SLC7A5: variants seen among roughly 807,000 people sequenced by gnomAD.
The protein encoded by SLC7A5 is solute carrier family 7 member 5.
SLC7A5 carries 23 observed loss-of-function variants against 50.2 expected under a neutral mutation model. That is an observed-to-expected ratio of 0.46 (90% CI 0.33 to 0.65). SLC7A5 has a LOEUF of 0.65. SLC7A5 is among the 30% of genes least tolerant of loss of function. SLC7A5 has a pLI of 0.02. For missense variants in SLC7A5, 578 were observed against 684.4 expected (o/e 0.84, Z 1.73); for synonymous variants, 393 against 330.6 (o/e 1.19, Z -2.05).
At chr16:87,850,191 C>T (rs1231356780) in intron 2 of SLC7A5, among the ~76,000 whole-genome samples, 4 of 152,214 alleles carry the variant, frequency 2.6e-5, no homozygotes, top group African/African-American at 7.2e-5. Flanking sequence ...GCTAAAGCTG[C>T]GTGCTGGGTG....
chr16:87,863,500 G>A (rs1007839522), intron 1 of SLC7A5: 1 of 152,164 alleles, frequency 6.6e-6, no homozygotes, highest in African/African-American at 2.4e-5. Flanking sequence ...CCAAGTCTTC[G>A]TTAAGCAATA....
chr16:87,868,342 A>G (rs1442177210), intron 1 of SLC7A5, among the ~76,000 whole-genome samples: 1 of 152,116 alleles, frequency 6.6e-6, no homozygotes, highest in Non-Finnish European at 1.5e-5. Flanking sequence ...GGGATCCCTT[A>G]GCCTAAATCA....
At chr16:87,855,220 G>A (rs2055300863) in intron 1 of SLC7A5, among the ~76,000 whole-genome samples, 1 of 152,192 alleles carries the variant, frequency 6.6e-6, no homozygotes, top group African/African-American at 2.4e-5. Context: ...GCTCAGAGCT[G>A]GGGCGTCCCG....
In SLC7A5 at chr16:87,862,220, T is replaced by TG. The variant is rs953923423; in HGVS notation, c.538+6664dup. On this transcript the variant is annotated intron_variant, in intron 1 of 9. Coordinates refer to ENST00000261622, the MANE Select transcript of SLC7A5 (RefSeq NM_003486.7). The surrounding 1 kb of genome is among the most constrained non-coding windows in gnomAD (Gnocchi z 5.3). ...TACAGGTGCTGGATACCCCAGCGGT[T>TG]GGGGGGGTGGTGCTGGACACCCAGG... Among the ~76,000 whole-genome samples the TG allele has an allele frequency of 1.3e-5, 2 of 151,706 alleles. No homozygotes were observed. The highest frequency in any genetic ancestry group is 2.4e-5 in the African/African-American group (1 of 41,130).
intron 1 of SLC7A5, among the ~76,000 whole-genome samples, chr16:87,865,312 A>T (rs2055446273): frequency 6.6e-6 from 1 of 152,218 alleles, no homozygotes; most frequent in Admixed American, 6.5e-5. Context: ...CTTTCGCTGA[A>T]AGGGACCCTA....
In SLC7A5 at chr16:87,851,778, TGGCGGC is replaced by T; in HGVS notation, c.604_609del (p.Ala202_Ala203del). Reference sequence around the variant, plus strand: ...ATGATCAGGGCCAGGGCCAGGAGCTTGGCGGCGGCAAAGGCATCCTGGACCCGGGTG... The same window carrying T: ...ATGATCAGGGCCAGGGCCAGGAGCTTGGCAAAGGCATCCTGGACCCGGGTG... On this transcript the variant is annotated inframe_deletion, in exon 2 of 10. Transcript: ENST00000261622. 1.2e-6 allele frequency: 2 copies of T among 1,613,086 alleles called. No individual in the cohort carries two copies. Among genetic ancestry groups the T allele is most frequent in the Non-Finnish European group, 1.7e-6 (2 of 1,179,946 alleles).
chr16:87,850,857 G>A (rs1040771087), intron 2 of SLC7A5, among the ~76,000 whole-genome samples: 2 of 152,194 alleles, frequency 1.3e-5, no homozygotes, highest in African/African-American at 4.8e-5. Flanking sequence ...GGCTCTGCAG[G>A]CAGACACAGA....
In SLC7A5 at chr16:87,841,831, C is replaced by A. The variant is rs1251096734; in HGVS notation, c.665-676G>T. On this transcript the variant is annotated intron_variant, in intron 2 of 9. Transcript: ENST00000261622. The surrounding 1 kb of genome is among the most constrained non-coding windows in gnomAD (Gnocchi z 4.8). ...GACTTCGTGACTGCTCCACCCTATT[C>A]CAGAAGGACCTCATTTCAAAACTTG... 6.6e-6 allele frequency among the ~76,000 whole-genome samples: 1 copy of A among 152,236 alleles called. No individual in the cohort carries two copies. Among genetic ancestry groups the A allele is most frequent in the Non-Finnish European group, 1.5e-5 (1 of 68,036 alleles).
At chr16:87,857,483 A>T (rs1306250761) in intron 1 of SLC7A5, among the ~76,000 whole-genome samples, 5 of 152,188 alleles carry the variant, frequency 3.3e-5, no homozygotes, top group African/African-American at 1.2e-4. Context: ...AGCGTTCACC[A>T]TGTTGGCCGG....
Position 87,862,796 on chromosome 16 carries a change from C to T in SLC7A5, c.538+6089G>A, listed in dbSNP as rs1436718197. On this transcript the variant is annotated intron_variant, in intron 1 of 9. Coordinates refer to ENST00000261622, the MANE Select transcript of SLC7A5 (RefSeq NM_003486.7). The surrounding 1 kb of genome is among the most constrained non-coding windows in gnomAD (Gnocchi z 5.3). ...GCGGGGCCAGGTGGATTTCTCAAAG[C>T]CTTGGTTGCTTTTGGCCTGATGCTA... Among the ~76,000 whole-genome samples the T allele has an allele frequency of 1.3e-5, 2 of 152,232 alleles. No homozygotes were observed. The highest frequency in any genetic ancestry group is 2.9e-5 in the Non-Finnish European group (2 of 68,046).
At chr16:87,868,752 T>C in intron 1 of SLC7A5, 133 bp downstream of exon 1, 1 of 947,874 alleles carries the variant, frequency 1.1e-6, no homozygotes, top group Non-Finnish European at 1.6e-6. Context: ...ACCAATGACC[T>C]TAGCCTAGAA....
chr16:87,865,775 G>C lies in SLC7A5; in HGVS notation c.538+3110C>G, dbSNP rs529721583. On this transcript the variant is annotated intron_variant, in intron 1 of 9. Coordinates refer to ENST00000261622, the MANE Select transcript of SLC7A5 (RefSeq NM_003486.7). ...GCCCTATTACCACAAAATAAATCCA[G>C]GAACGCGTGACTTGGTACAGCCTCT... Among the ~76,000 whole-genome samples the C allele has an allele frequency of 3.4e-4, 52 of 152,232 alleles. No individual in the cohort carries two copies. In the South Asian group the frequency reaches 8.3e-3, roughly 24 times the overall value.
chr16:87,864,094 C>G (rs911975425), intron 1 of SLC7A5, among the ~76,000 whole-genome samples: 31 of 147,990 alleles, frequency 2.1e-4, no homozygotes, highest in Non-Finnish European at 4.0e-4. Flanking sequence ...GAGTTCGAGA[C>G]CAGCCTGGCC....
chr16:87,845,449 T>C (rs1447345983), intron 2 of SLC7A5, among the ~76,000 whole-genome samples: 1 of 146,976 alleles, frequency 6.8e-6, no homozygotes, highest in African/African-American at 2.5e-5. Flanking sequence ...CCAGAGTCCA[T>C]GCCCACTCCA....
rs144129671 is a variant in SLC7A5, at chr16:87,841,557, C to A, written c.665-402G>T. Among the ~76,000 whole-genome samples, 606 of 152,358 alleles carry A rather than the reference C, an allele frequency of 4.0e-3. 7 individuals carry two copies. Among genetic ancestry groups the A allele is most frequent in the African/African-American group, 0.013 (531 of 41,588 alleles). Reference sequence around the variant, plus strand: ...GAGACCTCGGTTTGCATCCTGGCTACGGCAACAAGGAAGGCCCAGAGCCAC... The same window carrying A: ...GAGACCTCGGTTTGCATCCTGGCTAAGGCAACAAGGAAGGCCCAGAGCCAC... On this transcript the variant is annotated intron_variant, in intron 2 of 9. Coordinates refer to ENST00000261622, the MANE Select transcript of SLC7A5 (RefSeq NM_003486.7). This position sits in a 1 kb window ranked among gnomAD's most constrained non-coding sequence, Gnocchi z 4.8.
chr16:87,831,968 G>C lies in SLC7A5; in HGVS notation c.*1002C>G, dbSNP rs959366222. On this transcript the variant is annotated 3_prime_UTR_variant, in exon 10 of 10. Transcript: ENST00000261622. The stretch of plus-strand genomic sequence containing the variant: ...GGAGAGCGGGGAGGTGCCTAGGCCG[G>C]GAGTGGGAACCCAGCACCGGCCAGA... The C allele has an allele frequency of 3.3e-5, 5 of 153,098 alleles. No individual in the cohort carries two copies. The highest frequency in any genetic ancestry group is 1.2e-4 in the African/African-American group (5 of 41,470). 9.5% of individuals were successfully genotyped at this position (153,098 alleles called of 1,614,324 possible).
intron 3 of SLC7A5, 90 bp from the exon 4 acceptor site, chr16:87,840,563 G>T: frequency 8.7e-7 from 1 of 1,147,212 alleles, no homozygotes; most frequent in Non-Finnish European, 1.3e-6. Flanking sequence ...CAGCTGGTGA[G>T]CCTGCCCCCC....
At chr16:87,859,835 C>G (rs573433714) in intron 1 of SLC7A5, among the ~76,000 whole-genome samples, 147 of 151,986 alleles carry the variant, frequency 9.7e-4, no homozygotes, top group Middle Eastern at 3.4e-3. Context: ...CAGCTACTTG[C>G]GAGGCTGAGG....
intron 1 of SLC7A5, among the ~76,000 whole-genome samples, chr16:87,866,808 G>A (rs555759951): frequency 6.6e-6 from 1 of 152,190 alleles, no homozygotes; most frequent in South Asian, 2.1e-4. Context: ...TATGACTGAT[G>A]TGATTTTTAT....
Sources: allele counts gnomAD v4.1 joint callset (sites outside exome capture counted in the v4.1 genomes callset), GRCh38; gene constraint gnomAD v4.1.1; non-coding constraint Gnocchi (gnomAD v3.1); transcripts MANE v1.5; gene names NCBI Gene and HGNC (gene_info 2026-07-23, HGNC 2026-07-21).